Variants in USP4 observed in about 807,000 individuals in gnomAD.
USP4 encodes the protein ubiquitin carboxyl-terminal hydrolase 4.
A neutral mutation model predicts 118.2 loss-of-function variants in USP4; 72 were observed. That is an observed-to-expected ratio of 0.61 (90% confidence interval 0.50 to 0.74). The LOEUF (loss-of-function observed/expected upper bound fraction) is 0.74, where lower values mean the gene tolerates loss of function less well. Among genes scored for constraint, USP4 ranks in the 30% least tolerant of loss-of-function variants. The pLI, the probability that USP4 is intolerant of heterozygous loss-of-function variation, is 0.00. For synonymous variants in USP4, 415 were observed against 440.4 expected, an observed-to-expected ratio of 0.94 and a Z score of 0.72; for missense variants, 1,037 against 1,185.7, an observed-to-expected ratio of 0.87 and a Z score of 1.84.
In USP4 at chr3:49,281,478, A is replaced by ATC. The variant is rs1395352087; in HGVS notation, c.2541-632_2541-631insGA. Among the ~76,000 whole-genome samples, 670 of 102,770 alleles carry ATC rather than the reference A, an allele frequency of 6.5e-3. 9 individuals carry two copies. Among genetic ancestry groups the ATC allele is most frequent in the African/African-American group, 0.026 (644 of 24,728 alleles). 67.4% of individuals were successfully genotyped at this position (102,770 alleles called of 152,430 possible). On this transcript the variant is annotated intron_variant, in intron 19 of 21. Transcript: ENST00000265560. ...CTCAAAAAAGAAAAAAAGTATGTGTATATATATATATATACACACACACAC... is the reference window on the plus strand; with the variant it reads ...CTCAAAAAAGAAAAAAAGTATGTGTATCTATATATATATATACACACACACAC...
At chr3:49,302,189 T>TAAAAAAAAAA in intron 10 of USP4, among the ~76,000 whole-genome samples, 195 bp downstream of exon 10, 1 of 123,992 alleles carries the variant, frequency 8.1e-6, no homozygotes, top group Non-Finnish European at 1.7e-5. Context: ...TGTCTCTATT[T>TAAAAAAAAAA]AAAAAAAAAA....
chr3:49,308,389 G>A (rs1036479494), intron 8 of USP4, among the ~76,000 whole-genome samples: 3 of 152,018 alleles, frequency 2.0e-5, no homozygotes, highest in African/African-American at 7.2e-5. Flanking sequence ...GCATGATCTT[G>A]GCTCATTGCA....
chr3:49,298,491 A>G, intron 12 of USP4, 61 bp downstream of exon 12: 3 of 1,552,624 alleles, frequency 1.9e-6, no homozygotes, highest in Non-Finnish European at 2.7e-6. Context: ...GGTTGAAAGT[A>G]AACTCCAAAT....
chr3:49,286,676 G>A (rs556252458), intron 15 of USP4, among the ~76,000 whole-genome samples: 2 of 151,950 alleles, frequency 1.3e-5, no homozygotes, highest in East Asian at 3.9e-4. Flanking sequence ...GAGAGAAAAG[G>A]GCTTAAATGA....
chr3:49,297,752 A>T (rs2047224599), intron 13 of USP4, 118 bp downstream of exon 13: 2 of 804,168 alleles, frequency 2.5e-6, no homozygotes, highest in Admixed American at 4.2e-5. Context: ...CCCAGGGGTC[A>T]GGGCCAATCC....
At chr3:49,315,798 C>A (rs2047429000) in intron 6 of USP4, among the ~76,000 whole-genome samples, 1 of 152,200 alleles carries the variant, frequency 6.6e-6, no homozygotes, top group South Asian at 2.1e-4. Context: ...CAAAGTGAGG[C>A]TCTGGACAAA....
chr3:49,312,701 G>GGA (rs1371228091), intron 6 of USP4: 1 of 313,278 alleles, frequency 3.2e-6, no homozygotes, highest in Non-Finnish European at 6.4e-6. Context: ...CTGAGGGGCA[G>GGA]GAGAATTGCG....
Position 49,311,528 on chromosome 3 carries a change from G to A in USP4, c.822C>T (p.Ser274=), listed in dbSNP as rs769788646. The change falls in exon 7 of 22, where the codon TCC becomes TCT. Residue 274 remains serine, a synonymous_variant. Coordinates refer to ENST00000265560, the MANE Select transcript of USP4 (RefSeq NM_003363.4). ...CCTGCTCTTACCCCCTGCTGACACC[G>A]GAACTGTGCATCCCACAGGTGCTAG... ...DSTSTCGMHS[S]GVSRGGSGFS... The A allele has an allele frequency of 8.3e-5, 134 of 1,613,456 alleles. No individual in the cohort carries two copies. Among genetic ancestry groups the A allele is most frequent in the Admixed American group, 2.0e-4 (12 of 59,962 alleles).
chr3:49,292,089 G>T (rs1268896996), intron 15 of USP4, among the ~76,000 whole-genome samples: 1 of 152,008 alleles, frequency 6.6e-6, no homozygotes, highest in African/African-American at 2.4e-5. Context: ...TTACAGGCGT[G>T]AGCCACCACG....
chr3:49,299,974 G>A (rs940969861), intron 11 of USP4, among the ~76,000 whole-genome samples: 11 of 151,904 alleles, frequency 7.2e-5, no homozygotes, highest in South Asian at 4.2e-4. Flanking sequence ...GGCCGGGTGC[G>A]GTGGCTCACG....
In USP4 at chr3:49,329,407, T is replaced by C. The variant is rs796767218; in HGVS notation, c.230-1591A>G. On this transcript the variant is annotated intron_variant, in intron 2 of 21. Transcript: ENST00000265560. ...TCATGAATATTTTTGTGTGTGTGTG[T>C]GGGCAGGTGGGAGTGGCAGGCCTTA... Among the ~76,000 whole-genome samples the C allele has an allele frequency of 2.6e-5, 4 of 152,148 alleles. No individual in the cohort carries two copies. In the East Asian group the frequency reaches 5.8e-4, roughly 22 times the overall value.
intron 15 of USP4, among the ~76,000 whole-genome samples, chr3:49,288,239 C>A (rs976823210): frequency 2.6e-5 from 4 of 152,194 alleles, no homozygotes; most frequent in Non-Finnish European, 4.4e-5. Flanking sequence ...AAGGGCAGAA[C>A]CCAAAACTGC....
intron 6 of USP4, among the ~76,000 whole-genome samples, chr3:49,321,446 GTTGCTTTC>G (rs1279714856): frequency 6.6e-6 from 1 of 151,036 alleles, no homozygotes; most frequent in African/African-American, 2.4e-5. Context: ...ATAGATACTA[GTTGCTTTC>G]TTAAACCTTG....
intron 6 of USP4, chr3:49,317,068 T>C (rs1575614983): frequency 1.7e-6 from 2 of 1,205,122 alleles, no homozygotes; most frequent in Non-Finnish European, 2.4e-6. Context: ...AGGCAGGCCC[T>C]GCCCATGGTC....
In USP4 at chr3:49,294,395, C is replaced by G; in HGVS notation, c.1883+12G>C. The G allele has an allele frequency of 6.2e-7, 1 of 1,605,978 alleles. No homozygotes were observed. The highest frequency in any genetic ancestry group is 8.5e-7 in the Non-Finnish European group (1 of 1,175,038). ...TCTCAGATAACAACCAAATCACATT[C>G]CTGCCACCAACCTGATACGATCACA... is the stretch of plus-strand genomic sequence containing the variant. On this transcript the variant is annotated intron_variant, in intron 14 of 21. Coordinates refer to ENST00000265560, the MANE Select transcript of USP4 (RefSeq NM_003363.4).
chr3:49,285,551 T>A (rs1035449932), intron 16 of USP4, among the ~76,000 whole-genome samples: 1 of 151,846 alleles, frequency 6.6e-6, no homozygotes, highest in African/African-American at 2.4e-5. Flanking sequence ...GAGGGTGAGG[T>A]GGGAAGGGAG....
intron 6 of USP4, 26 bp downstream of exon 6, chr3:49,324,676 C>T (rs1238830849): frequency 1.9e-6 from 3 of 1,609,954 alleles, no homozygotes; most frequent in East Asian, 2.2e-5. Context: ...TGTGAGCCTA[C>T]AACAAGGGAG....
intron 10 of USP4, 28 bp downstream of exon 10, chr3:49,302,356 T>TATC (rs779622096): frequency 6.2e-7 from 1 of 1,607,024 alleles, no homozygotes; most frequent in South Asian, 1.1e-5. Context: ...TTTGGCATAT[T>TATC]ATCATTCAGA....
At position 49,284,020 on chromosome 3, in the gene USP4, T is replaced by A. The variant is rs747058046; in HGVS notation, c.2507A>T (p.Asp836Val). Residue 836 changes from aspartate (D) to valine (V), a missense_variant, in exon 19 of 22, where the codon GAT becomes GTT. This residue lies in a region of USP4 where 522 missense variants were observed against 592.6 expected (regional missense o/e 0.88). Transcript: ENST00000265560. ...KRFSYNRYWRDKLDTVVEFPI... is the reference protein window; with the variant it reads ...KRFSYNRYWRVKLDTVVEFPI... ...GAATTCTACGACTGTGTCGAGCTTA[T>A]CCCTCCAGTATCTGTTGTAGGAGAA... 4 of 1,614,124 alleles carry A rather than the reference T, an allele frequency of 2.5e-6. No homozygotes were observed. In the East Asian group the frequency reaches 6.7e-5, roughly 27 times the overall value.
Sources: allele counts gnomAD v4.1 joint callset (sites outside exome capture counted in the v4.1 genomes callset), GRCh38; gene constraint gnomAD v4.1.1; regional missense constraint gnomAD v4.1.1; transcripts MANE v1.5; gene names NCBI Gene and HGNC (gene_info 2026-07-23, HGNC 2026-07-21).